SCAPER: variants seen among roughly 807,000 people sequenced by gnomAD.
The protein encoded by SCAPER is S phase cyclin A-associated protein in the endoplasmic reticulum.
In SCAPER, 98 loss-of-function variants were observed where a neutral mutation model predicts 182.2. That is an observed-to-expected ratio of 0.54 (90% CI 0.46 to 0.64). The LOEUF is 0.64. Among genes scored for constraint, SCAPER ranks in the 30% least tolerant of loss-of-function variants. SCAPER has a pLI of 0.00. For synonymous variants in SCAPER, 605 were observed against 564.6 expected (o/e 1.07, Z -1.01); for missense variants, 1,432 against 1,690.0 (o/e 0.85, Z 2.68).
intron 4 of SCAPER, among the ~76,000 whole-genome samples, chr15:76,855,077 C>T (rs1192797128): frequency 6.6e-6 from 1 of 151,826 alleles, no homozygotes; most frequent in Admixed American, 6.6e-5. Flanking sequence ...GGTACAAAAA[C>T]AGACACAAAG....
Position 76,774,908 on chromosome 15 carries a change from G to A in SCAPER, c.982C>T (p.His328Tyr), listed in dbSNP as rs938791425. 2.5e-6 allele frequency: 4 copies of A among 1,613,626 alleles called. No homozygotes were observed. The highest frequency in any genetic ancestry group is 1.1e-5 in the South Asian group (1 of 91,056). Residue 328 changes from histidine to tyrosine, a missense_variant, in exon 9 of 32, where the codon CAT becomes TAT. Transcript: ENST00000563290. ...GDGTSNTIES[H>Y]PKDSLHSCDH... ...CAAGAGTGTAATGAGTCTTTGGGAT[G>A]AGATTCTATAGTATTAGAAGTTCCA...
chr15:76,389,183 ACAGT>A (rs1292965007), intron 27 of SCAPER, among the ~76,000 whole-genome samples: 2 of 151,970 alleles, frequency 1.3e-5, no homozygotes, highest in Admixed American at 1.3e-4. Context: ...GCAATCTAAG[ACAGT>A]CAGGACATTT....
intron 2 of SCAPER, among the ~76,000 whole-genome samples, chr15:76,871,667 G>A (rs563335762): frequency 6.6e-6 from 1 of 150,890 alleles, no homozygotes; most frequent in African/African-American, 2.4e-5. Context: ...CTGCCTCCTG[G>A]GTTCAAGCAA....
At chr15:76,623,596 T>C (rs1483547802) in intron 21 of SCAPER, among the ~76,000 whole-genome samples, 3 of 152,170 alleles carry the variant, frequency 2.0e-5, no homozygotes, top group Non-Finnish European at 2.9e-5. Context: ...TTCTGTTCCA[T>C]TGGTCTTACG....
chr15:76,762,790 A>G (rs2062869779), intron 14 of SCAPER, among the ~76,000 whole-genome samples: 2 of 152,148 alleles, frequency 1.3e-5, no homozygotes, highest in African/African-American at 4.8e-5. Context: ...CTGGGACTAC[A>G]GGTGCCTACC....
At chr15:76,478,024 G>A (rs887915698) in intron 24 of SCAPER, among the ~76,000 whole-genome samples, 2 of 151,290 alleles carry the variant, frequency 1.3e-5, no homozygotes, top group Non-Finnish European at 2.9e-5. Flanking sequence ...GGACCTCTGA[G>A]ATTCCTGTCA....
At chr15:76,863,017 A>G (rs2151887236) in intron 2 of SCAPER, among the ~76,000 whole-genome samples, 1 of 152,326 alleles carries the variant, frequency 6.6e-6, no homozygotes, top group Non-Finnish European at 1.5e-5. Flanking sequence ...TCAGGATTCA[A>G]ATAATAATTG....
At chr15:76,468,681 T>C (rs997249614) in intron 25 of SCAPER, among the ~76,000 whole-genome samples, 7 of 152,176 alleles carry the variant, frequency 4.6e-5, no homozygotes, top group African/African-American at 7.2e-5. Context: ...TGTGCTCCCA[T>C]AGTACTCTAT....
chr15:76,538,265 A>T (rs1047525528), intron 23 of SCAPER, among the ~76,000 whole-genome samples: 1 of 149,864 alleles, frequency 6.7e-6, no homozygotes, highest in East Asian at 1.9e-4. Context: ...ACACATGCAC[A>T]TGTATGTTTA....
At chr15:76,594,404 C>T (rs1355894820) in intron 22 of SCAPER, among the ~76,000 whole-genome samples, 1 of 121,114 alleles carries the variant, frequency 8.3e-6, no homozygotes, top group African/African-American at 2.5e-5. Context: ...AAACACTCTG[C>T]AGGATATTAT....
At chr15:76,774,690 A>AT (rs1449778705) in intron 9 of SCAPER, among the ~76,000 whole-genome samples, 165 bp downstream of exon 9, 1 of 152,190 alleles carries the variant, frequency 6.6e-6, no homozygotes, top group Non-Finnish European at 1.5e-5. Flanking sequence ...GGTGAACAGT[A>AT]TGGGAGGAGT....
chr15:76,634,886 C>T (rs914709874), intron 21 of SCAPER, among the ~76,000 whole-genome samples: 4 of 151,448 alleles, frequency 2.6e-5, no homozygotes, highest in African/African-American at 7.3e-5. Flanking sequence ...ATTTATGATA[C>T]TGTAAGTACA....
chr15:76,785,552 A>C (rs745384621), intron 8 of SCAPER, among the ~76,000 whole-genome samples: 10 of 152,264 alleles, frequency 6.6e-5, no homozygotes, highest in Non-Finnish European at 1.3e-4. Flanking sequence ...ATTAGAAATC[A>C]TGCTATTATA....
rs1197349769 is a variant in SCAPER at position 76,403,974 on chromosome 15, A to C, written c.3467+550T>G. Among the ~76,000 whole-genome samples the C allele has an allele frequency of 3.3e-5, 5 of 152,320 alleles. No homozygotes were observed. The South Asian group carries it at 6.2e-4, about 19-fold the overall frequency. ...CTAAACAGCCAACCAGGCCAGTAGTAGTCCCTGGCACACTGGCTTTCACTA... is the reference window on the plus strand; with the variant it reads ...CTAAACAGCCAACCAGGCCAGTAGTCGTCCCTGGCACACTGGCTTTCACTA... On this transcript the variant is annotated intron_variant, in intron 27 of 31. Transcript: ENST00000563290.
chr15:76,440,963 C>T (rs968037988), intron 25 of SCAPER, among the ~76,000 whole-genome samples: 1 of 135,476 alleles, frequency 7.4e-6, no homozygotes, highest in Non-Finnish European at 1.5e-5. Context: ...GCTCTGTCGC[C>T]CAGGCTGGGG....
At chr15:76,777,709 A>G (rs1293628331) in intron 8 of SCAPER, among the ~76,000 whole-genome samples, 1 of 152,224 alleles carries the variant, frequency 6.6e-6, no homozygotes, top group Non-Finnish European at 1.5e-5. Flanking sequence ...AAGTAAATAA[A>G]TAAATAAATA....
At chr15:76,495,564 C>T (rs1214788623) in intron 24 of SCAPER, among the ~76,000 whole-genome samples, 1 of 94,236 alleles carries the variant, frequency 1.1e-5, no homozygotes, top group East Asian at 3.2e-4. Context: ...GGCAACAGAG[C>T]AAGACTTGGT....
At chr15:76,492,517 T>C (rs2052418309) in intron 24 of SCAPER, among the ~76,000 whole-genome samples, 1 of 152,162 alleles carries the variant, frequency 6.6e-6, no homozygotes, top group South Asian at 2.1e-4. Flanking sequence ...CAGAATAAAA[T>C]ATATTAAACA....
At chr15:76,652,224 C>T (rs1312196653) in intron 21 of SCAPER, among the ~76,000 whole-genome samples, 1 of 122,164 alleles carries the variant, frequency 8.2e-6, no homozygotes, top group Non-Finnish European at 1.6e-5. Context: ...TCGAGACCAG[C>T]CTGGCCAACA....
Sources: gnomAD v4.1 joint callset for allele counts (sites outside exome capture counted in the v4.1 genomes callset) on GRCh38, gnomAD v4.1.1 for gene constraint, MANE v1.5 for transcripts, NCBI Gene and HGNC (gene_info 2026-07-23, HGNC 2026-07-21) for gene names.